Variants in NEBL observed in about 807,000 individuals in gnomAD.
NEBL encodes the protein nebulette.
NEBL carries 122 observed loss-of-function variants against 140.2 expected under a neutral mutation model. That is an observed-to-expected ratio of 0.87 (90% CI 0.75 to 1.01). The LOEUF (loss-of-function observed/expected upper bound fraction) is 1.01, where lower values mean the gene tolerates loss of function less well. Ranked by LOEUF, NEBL falls within the 50% of genes least tolerant of loss-of-function variation. The probability of loss-of-function intolerance (pLI) is 0.00; values close to 1 mark genes in which losing one functional copy is unlikely to be tolerated. For synonymous variants in NEBL, 436 were observed against 398.9 expected (o/e 1.09, Z -1.11); for missense variants, 1,365 against 1,231.3 (o/e 1.11, Z -1.62).
At position 20,853,462 on chromosome 10, in the gene NEBL, GAATACTATACAGCCACAAA is replaced by G. The variant is rs534082096; in HGVS notation, c.904-832_904-814del. On this transcript the variant is annotated intron_variant, in intron 9 of 27. Coordinates refer to ENST00000377122, the MANE Select transcript of NEBL (RefSeq NM_006393.3). Reference sequence around the variant, plus strand: ...GAAAATGTGGCACATATACACAACGGAATACTATACAGCCACAAAAATGAACGAGATCCTGCCATTTGCA... The same window carrying G: ...GAAAATGTGGCACATATACACAACGGAATGAACGAGATCCTGCCATTTGCA... Among the ~76,000 whole-genome samples the G allele has an allele frequency of 1.1e-4, 16 of 152,212 alleles. No individual in the cohort carries two copies. The South Asian group carries it at 3.3e-3, about 32-fold the overall frequency.
chr10:20,979,382 G>A (rs1340626061), intron 3 of NEBL, among the ~76,000 whole-genome samples: 1 of 152,086 alleles, frequency 6.6e-6, no homozygotes, highest in African/African-American at 2.4e-5. Flanking sequence ...GGTAGGAATG[G>A]TCCTTTGAGA....
chr10:20,888,127 A>G lies in NEBL; in HGVS notation c.339T>C (p.Phe113=). 6.2e-7 allele frequency: 1 copy of G among 1,613,386 alleles called. No homozygotes were observed. The highest frequency in any genetic ancestry group is 8.5e-7 in the Non-Finnish European group (1 of 1,179,332). ...KRMPATIDSV[F]AGEVTQLQSE... is the part of the protein sequence containing the mutation. ...TCTGGAGCTGTGTAACTTCTCCTGC[A>G]AAAACACTGTCAATTGTGGCTGGCA... is the stretch of plus-strand genomic sequence containing the variant. Residue 113 remains phenylalanine, a synonymous_variant, in exon 4 of 28, where the codon TTT becomes TTC. Coordinates refer to ENST00000377122, the MANE Select transcript of NEBL (RefSeq NM_006393.3).
intron 5 of NEBL, among the ~76,000 whole-genome samples, chr10:20,872,272 A>G (rs1845022893): frequency 6.6e-6 from 1 of 152,166 alleles, no homozygotes; most frequent in African/African-American, 2.4e-5. Flanking sequence ...CTCAAAACAA[A>G]TATTAAGATT....
At chr10:21,239,691 C>T (rs763114763) in intron 3 of NEBL, among the ~76,000 whole-genome samples, 1 of 152,128 alleles carries the variant, frequency 6.6e-6, no homozygotes, top group Non-Finnish European at 1.5e-5. Context: ...TAGCCAGCCT[C>T]GTCCAAACTC....
At chr10:21,146,083 G>A (rs1447062883) in intron 2 of NEBL, among the ~76,000 whole-genome samples, 1 of 152,060 alleles carries the variant, frequency 6.6e-6, no homozygotes, top group Non-Finnish European at 1.5e-5. Context: ...CCATGAATAG[G>A]GAAAAATTCA....
chr10:20,845,203 G>C, intron 12 of NEBL, 55 bp downstream of exon 12: 1 of 1,124,622 alleles, frequency 8.9e-7, no homozygotes, highest in Non-Finnish European at 1.3e-6. Context: ...AACATTTCCT[G>C]GGTTTTTTCT....
chr10:21,079,770 G>A (rs548619189), intron 2 of NEBL, among the ~76,000 whole-genome samples: 1 of 152,290 alleles, frequency 6.6e-6, no homozygotes, highest in African/African-American at 2.4e-5. Flanking sequence ...AAAGATCGCA[G>A]TTATAGAAAC....
chr10:21,074,129 A>G (rs1174059671), intron 2 of NEBL, among the ~76,000 whole-genome samples: 1 of 152,074 alleles, frequency 6.6e-6, no homozygotes, highest in African/African-American at 2.4e-5. Flanking sequence ...GCCAAGCCAC[A>G]TTATTCCCTT....
At chr10:21,223,623 A>G (rs939925269) in intron 3 of NEBL, among the ~76,000 whole-genome samples, 1 of 152,184 alleles carries the variant, frequency 6.6e-6, no homozygotes, top group Non-Finnish European at 1.5e-5. Context: ...AGGAACCTCC[A>G]ATTGTTCTCC....
At chr10:20,844,014 G>C (rs1261800347) in intron 12 of NEBL, among the ~76,000 whole-genome samples, 2 of 152,072 alleles carry the variant, frequency 1.3e-5, no homozygotes, top group Non-Finnish European at 1.5e-5. Context: ...TACTCTCTAG[G>C]AAGTTGCCAT....
intron 3 of NEBL, among the ~76,000 whole-genome samples, chr10:21,180,321 A>G (rs763326890): frequency 6.6e-6 from 1 of 152,128 alleles, no homozygotes; most frequent in Non-Finnish European, 1.5e-5. Context: ...CTCTTTAGGG[A>G]AATAATGACG....
At chr10:20,925,909 T>C (rs1186657080) in intron 4 of NEBL, among the ~76,000 whole-genome samples, 1 of 152,188 alleles carries the variant, frequency 6.6e-6, no homozygotes. Context: ...TTCACAATAC[T>C]CTTATTCAGT....
chr10:21,255,301 C>T (rs988323728), intron 1 of NEBL, among the ~76,000 whole-genome samples: 13 of 152,012 alleles, frequency 8.6e-5, no homozygotes, highest in African/African-American at 3.1e-4. Context: ...AGAAAAGACC[C>T]GTGGAGGAAC....
intron 2 of NEBL, among the ~76,000 whole-genome samples, chr10:21,033,612 C>G (rs1350698220): frequency 1.3e-5 from 2 of 152,000 alleles, no homozygotes; most frequent in Non-Finnish European, 2.9e-5. Flanking sequence ...TGGCGGTGTG[C>G]ACCTGTAGTC....
intron 2 of NEBL, among the ~76,000 whole-genome samples, chr10:21,250,504 T>C (rs1199010372): frequency 2.0e-5 from 3 of 152,210 alleles, no homozygotes; most frequent in Non-Finnish European, 4.4e-5. Context: ...TTTATATATA[T>C]ACATATACAT....
chr10:20,952,440 G>GAAAA (rs71390801), intron 4 of NEBL, among the ~76,000 whole-genome samples: 3 of 101,744 alleles, frequency 2.9e-5, no homozygotes, highest in Admixed American at 1.1e-4. Context: ...CTGTCTGAAG[G>GAAAA]AAAAAAAAAA....
intron 3 of NEBL, among the ~76,000 whole-genome samples, chr10:21,183,365 G>T (rs188857878): frequency 6.6e-6 from 1 of 152,212 alleles, no homozygotes; most frequent in Admixed American, 6.5e-5. Flanking sequence ...GGGGAGAGCC[G>T]CAACCACAGG....
At chr10:21,222,464 G>A (rs574641471) in intron 3 of NEBL, among the ~76,000 whole-genome samples, 10 of 152,134 alleles carry the variant, frequency 6.6e-5, no homozygotes, top group Admixed American at 2.6e-4. Context: ...TGTTTTTGGT[G>A]TTATTGTTGC....
At chr10:21,055,822 CA>C (rs886898326) in intron 2 of NEBL, among the ~76,000 whole-genome samples, 1 of 152,166 alleles carries the variant, frequency 6.6e-6, no homozygotes, top group African/African-American at 2.4e-5. Context: ...TGAGGGTGTT[CA>C]GGGGGCTCCC....
Sources: gnomAD v4.1 joint callset for allele counts (sites outside exome capture counted in the v4.1 genomes callset) on GRCh38, gnomAD v4.1.1 for gene constraint, MANE v1.5 for transcripts, NCBI Gene and HGNC (gene_info 2026-07-23, HGNC 2026-07-21) for gene names.